LIMA1: variants seen among roughly 807,000 people sequenced by gnomAD.
The protein encoded by LIMA1 is LIM domain and actin-binding protein 1.
Under a neutral mutation model 62.6 loss-of-function variants are expected in LIMA1, and 52 were observed. The observed-to-expected ratio is 0.83, with a 90% CI of 0.67 to 1.05. LIMA1 has a LOEUF of 1.05. Ranked by LOEUF, LIMA1 falls within the 50% of genes least tolerant of loss-of-function variation. The pLI, the probability that LIMA1 is intolerant of heterozygous loss-of-function variation, is 0.00. For missense variants in LIMA1, 780 were observed against 902.2 expected (o/e 0.86, Z 1.74); for synonymous variants, 302 against 317.8 (o/e 0.95, Z 0.53).
chr12:50,200,512 T>C (rs1327441837), intron 7 of LIMA1, among the ~76,000 whole-genome samples: 1 of 152,214 alleles, frequency 6.6e-6, no homozygotes, highest in African/African-American at 2.4e-5. Flanking sequence ...CCAAATAGAT[T>C]TTAAAAAATC....
At chr12:50,250,585 A>C (rs1475431035) in intron 1 of LIMA1, among the ~76,000 whole-genome samples, 2 of 151,346 alleles carry the variant, frequency 1.3e-5, no homozygotes, top group East Asian at 1.9e-4. Context: ...AAAAAAAAAA[A>C]AAAGTCCCGT....
intron 4 of LIMA1, among the ~76,000 whole-genome samples, chr12:50,207,948 C>T (rs530630757): frequency 5.4e-4 from 82 of 151,990 alleles, no homozygotes; most frequent in African/African-American, 2.0e-3. Flanking sequence ...TTTATACCCC[C>T]TCCTTGGAGA....
At chr12:50,210,999 T>G (rs1941246576) in intron 4 of LIMA1, among the ~76,000 whole-genome samples, 1 of 152,118 alleles carries the variant, frequency 6.6e-6, no homozygotes, top group African/African-American at 2.4e-5. Context: ...TTCAATATAT[T>G]TCACCTTTAA....
In LIMA1 at chr12:50,267,439, A is replaced by C. The variant is rs191916680; in HGVS notation, c.-24+15981T>G. Among the ~76,000 whole-genome samples, 107 of 149,930 alleles carry C rather than the reference A, an allele frequency of 7.1e-4. No individual in the cohort carries two copies. The East Asian group carries it at 0.014, about 20-fold the overall frequency. On this transcript the variant is annotated intron_variant, in intron 1 of 10. Coordinates refer to ENST00000341247, the MANE Select transcript of LIMA1 (RefSeq NM_016357.5). ...ACCATGTTGGCCAGGCTGGTCTCGA[A>C]CTTCTGACCTCAGATGATCCACCCT... is the stretch of plus-strand genomic sequence containing the variant.
At chr12:50,180,735 G>T (rs1940480477) in intron 10 of LIMA1, among the ~76,000 whole-genome samples, 1 of 152,086 alleles carries the variant, frequency 6.6e-6, no homozygotes, top group South Asian at 2.1e-4. Flanking sequence ...TCTTTTTAAA[G>T]TTTTTTCCCT....
Position 50,243,291 on chromosome 12 carries a change from T to A in LIMA1, c.119+5342A>T, listed in dbSNP as rs538588027. 2.0e-4 allele frequency among the ~76,000 whole-genome samples: 30 copies of A among 152,320 alleles called. No homozygotes were observed. In the South Asian group the frequency reaches 4.3e-3, roughly 22 times the overall value. On this transcript the variant is annotated intron_variant, in intron 2 of 10. Transcript: ENST00000341247. ...ATTAAGCTTCCTCCAAACAACAATT[T>A]CATATTAATCTCTGATCAGAGACCT...
At chr12:50,229,484 T>C (rs1288371671) in intron 3 of LIMA1, among the ~76,000 whole-genome samples, 1 of 152,076 alleles carries the variant, frequency 6.6e-6, no homozygotes, top group Non-Finnish European at 1.5e-5. Flanking sequence ...CAGGTGGGAA[T>C]TGAACAATGA....
intron 4 of LIMA1, among the ~76,000 whole-genome samples, chr12:50,216,647 G>A (rs932924389): frequency 3.3e-5 from 5 of 151,994 alleles, no homozygotes; most frequent in African/African-American, 7.2e-5. Flanking sequence ...GATCACCTGA[G>A]GTCAGGAGTT....
At chr12:50,197,811 C>CT (rs35654401) in intron 7 of LIMA1, among the ~76,000 whole-genome samples, 94,380 of 147,622 alleles carry the variant, frequency 0.64, 31,542 homozygotes, top group African/African-American at 0.85. Flanking sequence ...TTCTTTCTTT[C>CT]TTTTTTTTTT....
At chr12:50,190,734 C>T (rs1464294713) in intron 9 of LIMA1, among the ~76,000 whole-genome samples, 4 of 129,058 alleles carry the variant, frequency 3.1e-5, no homozygotes, top group African/African-American at 1.2e-4. Context: ...AATGGGCTGG[C>T]CAGCCCCCAT....
Position 50,222,477 on chromosome 12 carries a change from T to C in LIMA1, c.174A>G (p.Glu58=), listed in dbSNP as rs776020964. Residue 58 remains glutamate (E), a synonymous_variant, in exon 4 of 11, where the codon GAA becomes GAG. Transcript: ENST00000341247. ...TNMEKKRSNT[E]NLSQHFRKGT... Reference sequence around the variant, plus strand: ...CCTTTCTAAAGTGCTGGGAGAGATTTTCGGTGTTCTAGAAGAACAAGAAGT... The same window carrying C: ...CCTTTCTAAAGTGCTGGGAGAGATTCTCGGTGTTCTAGAAGAACAAGAAGT... 137 of 1,613,870 alleles carry C rather than the reference T, an allele frequency of 8.5e-5. No individual in the cohort carries two copies. Among genetic ancestry groups the C allele is most frequent in the Non-Finnish European group, 1.1e-4 (127 of 1,179,932 alleles).
chr12:50,269,613 A>C (rs143745543), intron 1 of LIMA1, among the ~76,000 whole-genome samples: 10 of 152,278 alleles, frequency 6.6e-5, no homozygotes, highest in African/African-American at 2.4e-4. Flanking sequence ...GGTAAAAGTT[A>C]TCTCTCTTAA....
chr12:50,238,877 A>G (rs1941734449), intron 2 of LIMA1, among the ~76,000 whole-genome samples: 1 of 152,086 alleles, frequency 6.6e-6, no homozygotes. Context: ...CATGAAGAAA[A>G]AAAAAAAGAA....
chr12:50,207,365 T>C (rs1183835197), intron 4 of LIMA1, among the ~76,000 whole-genome samples: 1 of 152,174 alleles, frequency 6.6e-6, no homozygotes, highest in Non-Finnish European at 1.5e-5. Context: ...TTCCCAGACA[T>C]AGTACACAGG....
intron 1 of LIMA1, among the ~76,000 whole-genome samples, chr12:50,252,453 C>A (rs537977680): frequency 6.6e-6 from 1 of 151,908 alleles, no homozygotes; most frequent in Non-Finnish European, 1.5e-5. Context: ...TGGTGGCACG[C>A]GCCTGTAATC....
intron 1 of LIMA1, among the ~76,000 whole-genome samples, chr12:50,257,804 T>A (rs1175751946): frequency 6.6e-6 from 1 of 152,244 alleles, no homozygotes; most frequent in Non-Finnish European, 1.5e-5. Flanking sequence ...TGGTCTCAAG[T>A]AGTAACCTTG....
Position 50,177,277 on chromosome 12 carries a change from A to G in LIMA1, c.2067T>C (p.Asp689=), listed in dbSNP as rs758463413. ...ATTGTTGTTTGAGGAAGCTGTTATC[A>G]TCTTCATCGGAGTCTGCACCATTTT... The part of the protein sequence containing the change: ...LVENGADSDE[D]DNSFLKQQSP... Residue 689 remains aspartate (D), a synonymous_variant, in exon 11 of 11, where the codon GAT becomes GAC. Coordinates refer to ENST00000341247, the MANE Select transcript of LIMA1 (RefSeq NM_016357.5). The G allele has an allele frequency of 9.9e-6, 16 of 1,614,190 alleles. No individual in the cohort carries two copies. The highest frequency in any genetic ancestry group is 1.3e-5 in the Non-Finnish European group (15 of 1,180,038).
chr12:50,242,048 C>T (rs1941786037), intron 2 of LIMA1, among the ~76,000 whole-genome samples: 1 of 137,752 alleles, frequency 7.3e-6, no homozygotes, highest in Non-Finnish European at 1.5e-5. Context: ...GTGGGGCAGG[C>T]AGCTGATGGA....
intron 3 of LIMA1, among the ~76,000 whole-genome samples, chr12:50,223,977 G>A (rs369410148): frequency 7.9e-5 from 12 of 152,146 alleles, no homozygotes; most frequent in African/African-American, 2.9e-4. Context: ...GGCGGAGGTT[G>A]CAGTGAGCCC....
Sources: allele counts gnomAD v4.1 joint callset (sites outside exome capture counted in the v4.1 genomes callset), GRCh38; gene constraint gnomAD v4.1.1; transcripts MANE v1.5; gene names NCBI Gene and HGNC (gene_info 2026-07-23, HGNC 2026-07-21).